Variants in PCLO observed in about 807,000 individuals in gnomAD.
PCLO encodes the protein protein piccolo.
Under a neutral mutation model 427.5 loss-of-function variants are expected in PCLO, and 82 were observed. The observed-to-expected ratio is 0.19, with a 90% CI of 0.16 to 0.23. The LOEUF (loss-of-function observed/expected upper bound fraction) is 0.23, where lower values mean the gene tolerates loss of function less well. Among genes scored for constraint, PCLO ranks in the 10% least tolerant of loss-of-function variants. The pLI is 1.00. For synonymous variants in PCLO, 2,357 were observed against 2,155.4 expected, an observed-to-expected ratio of 1.09 and a Z score of -2.59; for missense variants, 6,239 against 6,115.9, an observed-to-expected ratio of 1.02 and a Z score of -0.67.
rs1795452366 is a variant in PCLO, at chr7:82,954,395, T to C, written c.6558A>G (p.Ser2186=). ...CTGTGGTACAGACCGAAGAAACAGA[T>C]GATGTGAGAGAAGGTGTGTCAGAGG... ...VPPSDTPSLT[S]SVSSVCTTDS... is the part of the protein sequence containing the mutation. Residue 2186 remains serine (S), a synonymous_variant, in exon 5 of 25, where the codon TCA becomes TCG. Transcript: ENST00000333891. 2 of 1,613,830 alleles carry C rather than the reference T, an allele frequency of 1.2e-6. No individual in the cohort carries two copies. Among genetic ancestry groups the C allele is most frequent in the Non-Finnish European group, 1.7e-6 (2 of 1,179,846 alleles).
chr7:82,928,121 C>T (rs976408572), intron 6 of PCLO, among the ~76,000 whole-genome samples: 2 of 152,080 alleles, frequency 1.3e-5, no homozygotes, highest in East Asian at 1.9e-4. Context: ...AAAACATATA[C>T]AATTTATAAT....
intron 3 of PCLO, among the ~76,000 whole-genome samples, chr7:83,008,616 G>C (rs1193408837): frequency 2.0e-5 from 3 of 151,582 alleles, no homozygotes; most frequent in Non-Finnish European, 3.0e-5. Flanking sequence ...TCCTATCGTG[G>C]ATTCCTGAAA....
chr7:82,872,022 G>A (rs900368997), intron 10 of PCLO, among the ~76,000 whole-genome samples: 2 of 151,526 alleles, frequency 1.3e-5, no homozygotes, highest in African/African-American at 4.8e-5. Context: ...GTTTTTAGAA[G>A]AAAAAAAGAA....
intron 3 of PCLO, among the ~76,000 whole-genome samples, chr7:83,051,271 T>C (rs187458865): frequency 1.4e-5 from 2 of 147,154 alleles, no homozygotes; most frequent in South Asian, 4.4e-4. Context: ...CAAAACTGAT[T>C]GTTCACAGAT....
chr7:82,812,149 C>G (rs1355028772), intron 20 of PCLO, among the ~76,000 whole-genome samples: 1 of 151,386 alleles, frequency 6.6e-6, no homozygotes, highest in Non-Finnish European at 1.5e-5. Flanking sequence ...TTTTCTCTCT[C>G]CATGCACATT....
intron 20 of PCLO, among the ~76,000 whole-genome samples, chr7:82,808,001 A>G (rs1239029673): frequency 9.2e-5 from 14 of 152,008 alleles, no homozygotes; most frequent in Admixed American, 9.2e-4. Context: ...TTAAAAATGT[A>G]AAGGTAATGT....
chr7:83,003,278 A>C (rs1220380739), intron 3 of PCLO, among the ~76,000 whole-genome samples: 2 of 151,678 alleles, frequency 1.3e-5, no homozygotes, highest in African/African-American at 4.8e-5. Flanking sequence ...TTAACAAATA[A>C]AGTTTTTATA....
chr7:82,931,842 G>GCC, intron 6 of PCLO, among the ~76,000 whole-genome samples: 1 of 151,984 alleles, frequency 6.6e-6, no homozygotes, highest in Non-Finnish European at 1.5e-5. Context: ...TTAAAGAGAG[G>GCC]GGACTCCACA....
chr7:82,816,010 G>A (rs1441897830), intron 20 of PCLO, among the ~76,000 whole-genome samples: 1 of 151,934 alleles, frequency 6.6e-6, no homozygotes, highest in African/African-American at 2.4e-5. Flanking sequence ...AAATTCATGT[G>A]TTTTTGGCTT....
intron 3 of PCLO, among the ~76,000 whole-genome samples, chr7:83,054,952 A>T (rs1789341512): frequency 6.6e-6 from 1 of 152,070 alleles, no homozygotes; most frequent in African/African-American, 2.4e-5. Flanking sequence ...TCCACAACTG[A>T]TTTTAAACAT....
chr7:82,785,644 C>A (rs898342530), intron 22 of PCLO, among the ~76,000 whole-genome samples: 1 of 152,072 alleles, frequency 6.6e-6, no homozygotes, highest in African/African-American at 2.4e-5. Context: ...CAAGAGAAAA[C>A]TTCCTTAACA....
intron 3 of PCLO, among the ~76,000 whole-genome samples, chr7:83,122,414 T>C (rs982170789): frequency 2.6e-5 from 4 of 151,958 alleles, no homozygotes; most frequent in African/African-American, 7.2e-5. Flanking sequence ...GCCTCCCAAG[T>C]ACCTGGGATT....
intron 12 of PCLO, 149 bp downstream of exon 12, chr7:82,846,418 A>G: frequency 5.0e-6 from 3 of 602,542 alleles, no homozygotes; most frequent in Non-Finnish European, 8.6e-6. Context: ...TTATAATTAT[A>G]TAAATACATA....
At chr7:82,992,096 AATG>A (rs1415799198) in intron 3 of PCLO, among the ~76,000 whole-genome samples, 1 of 152,112 alleles carries the variant, frequency 6.6e-6, no homozygotes, top group Non-Finnish European at 1.5e-5. Flanking sequence ...TCAAAAACAG[AATG>A]ATAATTATTA....
chr7:83,025,101 G>A lies in PCLO; in HGVS notation c.3301-58614C>T, dbSNP rs892314706. Among the ~76,000 whole-genome samples, 418 of 152,310 alleles carry A rather than the reference G, an allele frequency of 2.7e-3. 3 individuals carry two copies. The highest frequency in any genetic ancestry group is 9.8e-3 in the African/African-American group (406 of 41,576). ...CACCAGCAACGGAACAAAGCTGGAC[G>A]GAGAACGACTTTGACGAGCTGAGAG... On this transcript the variant is annotated intron_variant, in intron 3 of 24. Coordinates refer to ENST00000333891, the MANE Select transcript of PCLO (RefSeq NM_033026.6).
At chr7:82,979,906 T>C (rs979863413) in intron 3 of PCLO, among the ~76,000 whole-genome samples, 1 of 152,184 alleles carries the variant, frequency 6.6e-6, no homozygotes, top group Non-Finnish European at 1.5e-5. Context: ...AAGTGAATAC[T>C]AGTTCACATA....
At chr7:83,153,297 T>A in intron 2 of PCLO, among the ~76,000 whole-genome samples, 1 of 151,780 alleles carries the variant, frequency 6.6e-6, no homozygotes, top group Admixed American at 6.6e-5. Context: ...ATATTCTTAT[T>A]AATTGTAGTT....
intron 3 of PCLO, among the ~76,000 whole-genome samples, chr7:83,081,092 T>C (rs776173392): frequency 1.6e-4 from 25 of 152,028 alleles, no homozygotes; most frequent in African/African-American, 2.7e-4. Context: ...CTGTATTATA[T>C]TGATTTCTGC....
intron 3 of PCLO, among the ~76,000 whole-genome samples, chr7:83,116,364 A>G (rs184024622): frequency 4.2e-4 from 64 of 152,318 alleles, no homozygotes; most frequent in African/African-American, 1.4e-3. Flanking sequence ...ATTAAATTAT[A>G]GAACATGTGT....
Sources: allele counts gnomAD v4.1 joint callset (sites outside exome capture counted in the v4.1 genomes callset), GRCh38; gene constraint gnomAD v4.1.1; transcripts MANE v1.5; gene names NCBI Gene and HGNC (gene_info 2026-07-23, HGNC 2026-07-21).